PLA2G5: variants seen among roughly 807,000 people sequenced by gnomAD.
The protein encoded by PLA2G5 is Ca2+-dependent phospholipase A2.
A neutral mutation model predicts 15.9 loss-of-function variants in PLA2G5; 12 were observed. The ratio of observed to expected loss-of-function variants is 0.76; its 90% CI spans 0.48 to 1.23. The LOEUF is 1.23. Among genes scored for constraint, PLA2G5 ranks in the 50% most tolerant of loss-of-function variants. The pLI, the probability that PLA2G5 is intolerant of heterozygous loss-of-function variation, is 0.00. For missense variants in PLA2G5, 169 were observed against 177.1 expected, an observed-to-expected ratio of 0.95 and a Z score of 0.26; for synonymous variants, 71 against 71.4, an observed-to-expected ratio of 0.99 and a Z score of 0.03.
chr1:20,031,246 G>A (rs960519865), intron 1 of PLA2G5, among the ~76,000 whole-genome samples: 1 of 152,226 alleles, frequency 6.6e-6, no homozygotes, highest in Non-Finnish European at 1.5e-5. Context: ...AGATTAACAG[G>A]AAGGGCTGTG....
At chr1:20,052,323 A>G (rs1353945164) in intron 1 of PLA2G5, among the ~76,000 whole-genome samples, 1 of 151,042 alleles carries the variant, frequency 6.6e-6, no homozygotes, top group East Asian at 1.9e-4. Flanking sequence ...TTCCTTCTTT[A>G]TTCCTCCATT....
At chr1:20,043,057 C>A (rs901882749) in intron 1 of PLA2G5, among the ~76,000 whole-genome samples, 4 of 152,064 alleles carry the variant, frequency 2.6e-5, no homozygotes, top group Non-Finnish European at 5.9e-5. Flanking sequence ...AGCCTTGCAG[C>A]AATACAGCCT....
chr1:20,080,490 G>A (rs1395512128), intron 1 of PLA2G5, among the ~76,000 whole-genome samples: 1 of 152,200 alleles, frequency 6.6e-6, no homozygotes, highest in African/African-American at 2.4e-5. Context: ...GTTGAGGCAG[G>A]ACAATTGTTT....
intron 1 of PLA2G5, among the ~76,000 whole-genome samples, chr1:20,037,303 G>A (rs2100307820): frequency 6.6e-6 from 1 of 152,304 alleles, no homozygotes; most frequent in Non-Finnish European, 1.5e-5. Flanking sequence ...CTGACAGCGG[G>A]ACTACAGTGA....
intron 1 of PLA2G5, among the ~76,000 whole-genome samples, chr1:20,049,504 T>C (rs1216749379): frequency 6.6e-6 from 1 of 152,168 alleles, no homozygotes; most frequent in Non-Finnish European, 1.5e-5. Context: ...ATTGTAGTGA[T>C]CCCCACATAT....
At chr1:20,074,548 A>G (rs2015566934) in intron 1 of PLA2G5, among the ~76,000 whole-genome samples, 1 of 152,206 alleles carries the variant, frequency 6.6e-6, no homozygotes, top group South Asian at 2.1e-4. Context: ...AGTGTTTCCA[A>G]CACTTAAAGA....
intron 1 of PLA2G5, among the ~76,000 whole-genome samples, chr1:20,057,601 C>T (rs960294031): frequency 6.2e-4 from 94 of 152,248 alleles, no homozygotes; most frequent in Admixed American, 4.3e-3. Flanking sequence ...TGGGTTCAAG[C>T]GATTCTCCTG....
chr1:20,062,697 C>T (rs1479577394), intron 2 of PLA2G5, among the ~76,000 whole-genome samples: 2 of 148,470 alleles, frequency 1.3e-5, no homozygotes, highest in Middle Eastern at 3.2e-3. Flanking sequence ...CACTGCTGTC[C>T]TTCTTTTTCC....
At chr1:20,063,808 C>T (rs1192775054) in intron 2 of PLA2G5, among the ~76,000 whole-genome samples, 1 of 152,230 alleles carries the variant, frequency 6.6e-6, no homozygotes, top group Non-Finnish European at 1.5e-5. Context: ...CTCCAATCCT[C>T]TGTGAGGCTT....
At chr1:20,074,075 C>G (rs1311999377) in intron 1 of PLA2G5, among the ~76,000 whole-genome samples, 1 of 152,074 alleles carries the variant, frequency 6.6e-6, no homozygotes, top group African/African-American at 2.4e-5. Context: ...GGTAGGTAGT[C>G]AGGGGAGGCC....
intron 1 of PLA2G5, among the ~76,000 whole-genome samples, chr1:20,029,738 A>T: frequency 6.6e-6 from 1 of 152,188 alleles, no homozygotes; most frequent in East Asian, 1.9e-4. Context: ...GATGATGTGT[A>T]TAGTTAGTCT....
upstream of PLA2G5, chr1:20,069,118 G>A (rs2015206488): frequency 2.2e-6 from 1 of 448,764 alleles, no homozygotes; most frequent in East Asian, 7.0e-5. Flanking sequence ...ATCAGATTGG[G>A]AAGAATTGAC....
intron 1 of PLA2G5, among the ~76,000 whole-genome samples, chr1:20,058,680 TAC>T (rs1379458587): frequency 6.6e-6 from 1 of 152,148 alleles, no homozygotes; most frequent in African/African-American, 2.4e-5. Flanking sequence ...GTTTTGCCAG[TAC>T]AGTGTGTAGG....
chr1:20,063,088 C>G (rs556478391), intron 2 of PLA2G5, among the ~76,000 whole-genome samples: 17 of 152,166 alleles, frequency 1.1e-4, no homozygotes, highest in African/African-American at 4.1e-4. Context: ...TCTAGCTACT[C>G]TGGAGGGTGA....
chr1:20,053,559 G>A (rs528799599), intron 1 of PLA2G5, among the ~76,000 whole-genome samples: 8 of 91,398 alleles, frequency 8.8e-5, no homozygotes, highest in African/African-American at 3.4e-4. Flanking sequence ...TTTTAATTAT[G>A]TATTACTTTG....
intron 1 of PLA2G5, among the ~76,000 whole-genome samples, chr1:20,083,544 C>A (rs2016136815): frequency 6.6e-6 from 1 of 151,864 alleles, no homozygotes; most frequent in Non-Finnish European, 1.5e-5. Flanking sequence ...CGGCAAGGAA[C>A]CTCTGAGAAG....
intron 1 of PLA2G5, among the ~76,000 whole-genome samples, chr1:20,074,243 C>A (rs1000174666): frequency 2.6e-5 from 4 of 152,112 alleles, no homozygotes; most frequent in African/African-American, 9.7e-5. Context: ...TCAGAGCCTG[C>A]GGGCATCCTG....
intron 2 of PLA2G5, among the ~76,000 whole-genome samples, chr1:20,062,163 C>G (rs2014767522): frequency 6.6e-6 from 1 of 152,222 alleles, no homozygotes; most frequent in Admixed American, 6.5e-5. Flanking sequence ...CCTGCAGAAC[C>G]ATGAGGCCAT....
At chr1:20,063,253 C>T (rs942025566) in intron 2 of PLA2G5, among the ~76,000 whole-genome samples, 1 of 152,130 alleles carries the variant, frequency 6.6e-6, no homozygotes. Context: ...TTTCTCACAA[C>T]AAATAGGTGC....
Sources: allele counts gnomAD v4.1 joint callset (sites outside exome capture counted in the v4.1 genomes callset), GRCh38; gene constraint gnomAD v4.1.1; transcripts MANE v1.5; gene names NCBI Gene and HGNC (gene_info 2026-07-23, HGNC 2026-07-21).